Variants in FUT9 observed in about 807,000 individuals in gnomAD.
FUT9 encodes fucosyltransferase 9, also known as 4-galactosyl-N-acetylglucosaminide 3-alpha-L-fucosyltransferase 9.
Under a neutral mutation model 29.7 loss-of-function variants are expected in FUT9, and 15 were observed. The ratio of observed to expected loss-of-function variants is 0.51; its 90% CI spans 0.34 to 0.78. FUT9 has a LOEUF of 0.78. FUT9 is among the 30% of genes least tolerant of loss of function. The pLI is 0.01. For synonymous variants in FUT9, 169 were observed against 153.7 expected (o/e 1.10, Z -0.74); for missense variants, 319 against 425.4 (o/e 0.75, Z 2.20).
rs1044914729 is a variant in FUT9, at chr6:96,211,417, C to G, written c.*7182C>G. On this transcript the variant is annotated 3_prime_UTR_variant, in exon 3 of 3. Coordinates refer to ENST00000302103, the MANE Select transcript of FUT9 (RefSeq NM_006581.4). ...TTTTCTGGTAAAGAAAAAGGCCTAG[C>G]AATATTTAACAGTTTGACTTAATCC... The G allele has an allele frequency of 6.0e-6, 1 of 166,712 alleles. No homozygotes were observed. The highest frequency in any genetic ancestry group is 1.5e-5 in the Non-Finnish European group (1 of 67,958). 10.3% of individuals were successfully genotyped at this position (166,712 alleles called of 1,614,324 possible).
chr6:96,070,393 A>G (rs1771038672), intron 1 of FUT9, among the ~76,000 whole-genome samples: 1 of 152,226 alleles, frequency 6.6e-6, no homozygotes, highest in Non-Finnish European at 1.5e-5. Context: ...CATATTATGT[A>G]ATACTATACA....
chr6:96,096,003 A>C (rs1245855402), intron 1 of FUT9, among the ~76,000 whole-genome samples: 1 of 152,194 alleles, frequency 6.6e-6, no homozygotes, highest in Non-Finnish European at 1.5e-5. Context: ...CTATAATCTA[A>C]TGACTCATAA....
At chr6:96,153,242 T>G (rs1445151443) in intron 2 of FUT9, among the ~76,000 whole-genome samples, 1 of 152,148 alleles carries the variant, frequency 6.6e-6, no homozygotes, top group Admixed American at 6.5e-5. Context: ...GCATCAGAAA[T>G]TGAACAGCCT....
At chr6:96,071,119 T>C (rs1340583633) in intron 1 of FUT9, among the ~76,000 whole-genome samples, 1 of 152,230 alleles carries the variant, frequency 6.6e-6, no homozygotes, top group Non-Finnish European at 1.5e-5. Flanking sequence ...AATTTTGCAT[T>C]TTATGAACAA....
intron 2 of FUT9, among the ~76,000 whole-genome samples, chr6:96,116,532 T>C (rs1771914199): frequency 6.6e-6 from 1 of 152,210 alleles, no homozygotes; most frequent in African/African-American, 2.4e-5. Flanking sequence ...AAATAACTAA[T>C]ATGTTGTCTT....
intron 1 of FUT9, among the ~76,000 whole-genome samples, chr6:96,091,908 A>G (rs1771417720): frequency 1.3e-5 from 2 of 152,164 alleles, no homozygotes; most frequent in Non-Finnish European, 2.9e-5. Flanking sequence ...TAAAGTTTCC[A>G]TACTAATTTT....
At chr6:96,160,277 G>T (rs1478952219) in intron 2 of FUT9, among the ~76,000 whole-genome samples, 1 of 151,986 alleles carries the variant, frequency 6.6e-6, no homozygotes, top group African/African-American at 2.4e-5. Flanking sequence ...AAAGAGTGGG[G>T]AGGAAACTGT....
chr6:96,162,239 C>G (rs763315588), intron 2 of FUT9, among the ~76,000 whole-genome samples: 5 of 151,920 alleles, frequency 3.3e-5, no homozygotes, highest in Non-Finnish European at 7.4e-5. Context: ...TTTAGCATTC[C>G]TCTTATTTTA....
chr6:96,198,386 C>T (rs1435587789), intron 2 of FUT9, among the ~76,000 whole-genome samples: 1 of 151,682 alleles, frequency 6.6e-6, no homozygotes, highest in Non-Finnish European at 1.5e-5. Context: ...TTTGTTCTTG[C>T]AATAGTTTAC....
chr6:96,019,082 T>C (rs140440201), intron 1 of FUT9, among the ~76,000 whole-genome samples: 225 of 152,148 alleles, frequency 1.5e-3, no homozygotes, highest in African/African-American at 5.2e-3. Flanking sequence ...ATAAAGCCTT[T>C]TATTCCTTTT....
At chr6:96,031,955 G>A (rs1329011360) in intron 1 of FUT9, among the ~76,000 whole-genome samples, 2 of 151,494 alleles carry the variant, frequency 1.3e-5, no homozygotes, top group South Asian at 2.1e-4. Context: ...TGTAGCCAAT[G>A]TGGCCTATGG....
chr6:96,196,252 T>C (rs1296600821), intron 2 of FUT9, among the ~76,000 whole-genome samples: 1 of 152,134 alleles, frequency 6.6e-6, no homozygotes, highest in Non-Finnish European at 1.5e-5. Flanking sequence ...TAAAAATTAA[T>C]AACAGCATAA....
At chr6:96,027,194 C>T (rs1455882147) in intron 1 of FUT9, among the ~76,000 whole-genome samples, 9 of 151,530 alleles carry the variant, frequency 5.9e-5, no homozygotes, top group African/African-American at 1.5e-4. Context: ...GATTTTATAT[C>T]GCTTTTATAC....
chr6:96,152,184 A>T (rs1423514005), intron 2 of FUT9, among the ~76,000 whole-genome samples: 1 of 152,190 alleles, frequency 6.6e-6, no homozygotes, highest in Non-Finnish European at 1.5e-5. Flanking sequence ...GGCTTATCTA[A>T]TGGGTCATAT....
chr6:96,180,590 A>G (rs1468387597), intron 2 of FUT9, among the ~76,000 whole-genome samples: 1 of 152,062 alleles, frequency 6.6e-6, no homozygotes, highest in African/African-American at 2.4e-5. Context: ...ATACTTTTGT[A>G]TCAATTCACC....
intron 2 of FUT9, among the ~76,000 whole-genome samples, chr6:96,124,929 C>A (rs1289014954): frequency 2.0e-5 from 3 of 152,170 alleles, no homozygotes; most frequent in African/African-American, 7.2e-5. Flanking sequence ...TCTTACTGTT[C>A]TACAACCTAT....
intron 1 of FUT9, among the ~76,000 whole-genome samples, chr6:96,107,363 C>G (rs987929801): frequency 3.3e-5 from 5 of 152,120 alleles, no homozygotes; most frequent in African/African-American, 9.7e-5. Context: ...AATATATGTA[C>G]ATTCTGCATT....
rs528978668 is a variant in FUT9 at position 96,016,606 on chromosome 6, G to T, written c.-98+394G>T. Among the ~76,000 whole-genome samples, 6 of 152,244 alleles carry T rather than the reference G, an allele frequency of 3.9e-5. No homozygotes were observed. The South Asian group carries it at 1.2e-3, about 32-fold the overall frequency. ...TCTGCCACCCTTCACCCGATCTCGC[G>T]CTGACAAAGCCTTCTCCACAAAGTC... On this transcript the variant is annotated intron_variant, in intron 1 of 2. Transcript: ENST00000302103.
Position 96,213,003 on chromosome 6 carries a change from G to A in FUT9, c.*8768G>A, listed in dbSNP as rs1188407126. On this transcript the variant is annotated 3_prime_UTR_variant, in exon 3 of 3. Coordinates refer to ENST00000302103, the MANE Select transcript of FUT9 (RefSeq NM_006581.4). ...TGGACTGTACATTAGAAGTACCTGA[G>A]AAGCTCTTAATAAATCTTGATGAAT... The A allele has an allele frequency of 6.0e-6, 1 of 166,880 alleles. No homozygotes were observed. Among genetic ancestry groups the A allele is most frequent in the East Asian group, 1.9e-4 (1 of 5,200 alleles). 10.3% of individuals were successfully genotyped at this position (166,880 alleles called of 1,614,324 possible).
Sources: gnomAD v4.1 joint callset for allele counts (sites outside exome capture counted in the v4.1 genomes callset) on GRCh38, gnomAD v4.1.1 for gene constraint, MANE v1.5 for transcripts, NCBI Gene and HGNC (gene_info 2026-07-23, HGNC 2026-07-21) for gene names.